BAZ1A: variants seen among roughly 807,000 people sequenced by gnomAD.
BAZ1A encodes bromodomain adjacent to zinc finger domain 1A.
In BAZ1A, 50 loss-of-function variants were observed where a neutral mutation model predicts 185.2. That is an observed-to-expected ratio of 0.27 (90% CI 0.22 to 0.34). BAZ1A has a LOEUF of 0.34. Ranked by LOEUF, BAZ1A falls within the 10% of genes least tolerant of loss-of-function variation. The probability of loss-of-function intolerance (pLI) is 1.00; values close to 1 mark genes in which losing one functional copy is unlikely to be tolerated. For missense variants in BAZ1A, 1,356 were observed against 1,839.9 expected, an observed-to-expected ratio of 0.74 and a Z score of 4.81; for synonymous variants, 571 against 615.6, an observed-to-expected ratio of 0.93 and a Z score of 1.07.
chr14:34,809,752 A>C (rs1227322115), intron 5 of BAZ1A, among the ~76,000 whole-genome samples: 1 of 152,162 alleles, frequency 6.6e-6, no homozygotes, highest in African/African-American at 2.4e-5. Context: ...TAAGTCAAAA[A>C]GTAAATAGAA....
chr14:34,762,172 C>T lies in BAZ1A; in HGVS notation c.3828G>A (p.Gly1276=). The change falls in exon 24 of 27, where the codon GGG becomes GGA. Residue 1276 remains glycine (G), a synonymous_variant. Coordinates refer to ENST00000360310, the MANE Select transcript of BAZ1A (RefSeq NM_013448.3). Reference sequence around the variant, plus strand: ...GACTTGAGAAAGAAGAGCTAAGTTTCCCTCTTGTTTTAACTGGCAATCTAA... The same window carrying T: ...GACTTGAGAAAGAAGAGCTAAGTTTTCCTCTTGTTTTAACTGGCAATCTAA... ...PQVRLPVKTR[G]KLSSSFSSRG... 1.2e-6 allele frequency: 2 copies of T among 1,614,154 alleles called. No homozygotes were observed. Among genetic ancestry groups the T allele is most frequent in the East Asian group, 2.2e-5 (1 of 44,884 alleles).
chr14:34,873,859 C>T (rs1392331813), intron 2 of BAZ1A, among the ~76,000 whole-genome samples: 1 of 152,164 alleles, frequency 6.6e-6, no homozygotes, highest in African/African-American at 2.4e-5. Flanking sequence ...GACGGGAGGC[C>T]GCGGACGGAG....
chr14:34,832,228 A>ATATATATATATATATG (rs1437244262), intron 3 of BAZ1A, among the ~76,000 whole-genome samples: 12 of 143,378 alleles, frequency 8.4e-5, no homozygotes, highest in African/African-American at 2.8e-4. Context: ...ATATATATAT[A>ATATATATATATATATG]TATGTATGTA....
At chr14:34,845,591 T>G (rs949522443) in intron 3 of BAZ1A, among the ~76,000 whole-genome samples, 2 of 152,176 alleles carry the variant, frequency 1.3e-5, no homozygotes, top group Non-Finnish European at 2.9e-5. Context: ...CTGGGCGCAG[T>G]GGCTCACGCC....
intron 3 of BAZ1A, among the ~76,000 whole-genome samples, chr14:34,831,965 A>C (rs1384749662): frequency 1.3e-5 from 2 of 151,880 alleles, no homozygotes; most frequent in African/African-American, 2.4e-5. Context: ...CAGGCTGAGG[A>C]AGGGAGATGG....
intron 3 of BAZ1A, among the ~76,000 whole-genome samples, chr14:34,852,785 C>T (rs58094944): frequency 1.1e-3 from 169 of 152,194 alleles, no homozygotes; most frequent in African/African-American, 3.6e-3. Context: ...TCATTTAATA[C>T]GTGAAAAAAG....
chr14:34,785,890 T>C lies in BAZ1A; in HGVS notation c.1718A>G (p.Tyr573Cys), dbSNP rs1880409599. 6.2e-7 allele frequency: 1 copy of C among 1,614,018 alleles called. No individual in the cohort carries two copies. The highest frequency in any genetic ancestry group is 1.7e-5 in the Admixed American group (1 of 59,998). ...AGCATCAAATCCTCCTCGTTTTTGA[T>C]ATCTATACTTTGCATTTGCTGATGT... ...DVTSANAKYR[Y>C]QKRGGFDATD... The change falls in exon 14 of 27, where the codon TAT becomes TGT. Residue 573 changes from tyrosine to cysteine, a missense_variant. Coordinates refer to ENST00000360310, the MANE Select transcript of BAZ1A (RefSeq NM_013448.3).
intron 4 of BAZ1A, chr14:34,816,903 A>T (rs1283640574): frequency 2.6e-6 from 1 of 380,886 alleles, no homozygotes; most frequent in Non-Finnish European, 5.3e-6. Flanking sequence ...AATAGTAAGG[A>T]TATTTACATA....
At chr14:34,828,293 C>CAAAAAAA (rs369878009) in intron 3 of BAZ1A, among the ~76,000 whole-genome samples, 1 of 83,554 alleles carries the variant, frequency 1.2e-5, no homozygotes, top group Non-Finnish European at 2.2e-5. Context: ...AACTCCGTCT[C>CAAAAAAA]AAAAAAAAAA....
At chr14:34,786,616 T>TTTC (rs1880471577) in intron 12 of BAZ1A, 1 of 149,214 alleles carries the variant, frequency 6.7e-6, no homozygotes, top group African/African-American at 2.6e-5. Context: ...TTTTTTTTTT[T>TTTC]TTTTTTTTTG....
At chr14:34,849,185 GA>G (rs1429511571) in intron 3 of BAZ1A, among the ~76,000 whole-genome samples, 1 of 152,192 alleles carries the variant, frequency 6.6e-6, no homozygotes, top group African/African-American at 2.4e-5. Flanking sequence ...AGCTACTCGG[GA>G]GGCTGAAGCA....
At chr14:34,771,481 TA>T in intron 21 of BAZ1A, 29 bp downstream of exon 21, 1 of 1,587,594 alleles carries the variant, frequency 6.3e-7, no homozygotes, top group Admixed American at 1.8e-5. Flanking sequence ...ATAACACAAC[TA>T]ATATTTTGAA....
chr14:34,795,361 GA>G (rs1402358714), intron 10 of BAZ1A, among the ~76,000 whole-genome samples: 2 of 152,152 alleles, frequency 1.3e-5, no homozygotes, highest in Non-Finnish European at 1.5e-5. Context: ...GCCATTTCTG[GA>G]AATAGGCAGA....
At chr14:34,828,455 G>A (rs1420201883) in intron 3 of BAZ1A, 1 of 152,054 alleles carries the variant, frequency 6.6e-6, no homozygotes, top group Non-Finnish European at 1.5e-5. Context: ...TCAAGGTTAG[G>A]ATCTTACTGT....
chr14:34,812,672 G>A (rs977364521), intron 4 of BAZ1A, among the ~76,000 whole-genome samples: 4 of 152,196 alleles, frequency 2.6e-5, no homozygotes, highest in African/African-American at 9.6e-5. Flanking sequence ...TAAAGAGGAT[G>A]TAAGTGGGGG....
At chr14:34,844,777 GCACACACACACACACACACACA>G (rs4007479) in intron 3 of BAZ1A, among the ~76,000 whole-genome samples, 1 of 86,802 alleles carries the variant, frequency 1.2e-5, no homozygotes, top group Admixed American at 1.2e-4. Flanking sequence ...ACACACACGC[GCACACACACACACACACACACA>G]CACACACACA....
In BAZ1A at chr14:34,847,236, TA is replaced by T. The variant is rs5807798; in HGVS notation, c.392+14807del. Among the ~76,000 whole-genome samples the T allele has an allele frequency of 3.7e-3, 525 of 142,340 alleles. 3 individuals are homozygous for T. The highest frequency in any genetic ancestry group is 0.028 in the East Asian group (136 of 4,938). The allele number at this position is 142,340 out of a possible 152,430, so 93.4% of individuals were successfully genotyped here. ...CTGGGTGACAGAGCGAGACTAGTCT[TA>T]AAAAAAAAAAAAAAGTATCAACATA... is the stretch of plus-strand genomic sequence containing the variant. On this transcript the variant is annotated intron_variant, in intron 3 of 26. Coordinates refer to ENST00000360310, the MANE Select transcript of BAZ1A (RefSeq NM_013448.3).
chr14:34,788,281 C>T (rs951968900), intron 12 of BAZ1A, among the ~76,000 whole-genome samples: 1 of 151,840 alleles, frequency 6.6e-6, no homozygotes, highest in African/African-American at 2.4e-5. Flanking sequence ...GGATTACAAG[C>T]GTGAACCACC....
At chr14:34,835,662 T>C (rs1161038358) in intron 3 of BAZ1A, among the ~76,000 whole-genome samples, 1 of 150,996 alleles carries the variant, frequency 6.6e-6, no homozygotes, top group Admixed American at 6.6e-5. Flanking sequence ...AAGCTGAACA[T>C]GGAAATAGTT....
Sources: allele counts gnomAD v4.1 joint callset (sites outside exome capture counted in the v4.1 genomes callset), GRCh38; gene constraint gnomAD v4.1.1; transcripts MANE v1.5; gene names NCBI Gene and HGNC (gene_info 2026-07-23, HGNC 2026-07-21).